BMAL2: variants seen among roughly 807,000 people sequenced by gnomAD.
The protein encoded by BMAL2 is basic helix-loop-helix ARNT like 2, also known as basic helix-loop-helix ARNT-like protein 2.
chr12:27,360,678 A>T, the BMAL2 span, among the ~76,000 whole-genome samples: 1 of 151,984 alleles, frequency 6.6e-6, no homozygotes, highest in Non-Finnish European at 1.5e-5. Context: ...TAGCATCAGT[A>T]ACCTTCTGGT....
At chr12:27,378,950 G>A in the BMAL2 span, among the ~76,000 whole-genome samples, 1 of 152,048 alleles carries the variant, frequency 6.6e-6, no homozygotes, top group South Asian at 2.1e-4. Context: ...CCAATCGTTT[G>A]GTTTCCCTGG....
At chr12:27,405,926 C>T in the BMAL2 span, among the ~76,000 whole-genome samples, 2 of 152,076 alleles carry the variant, frequency 1.3e-5, no homozygotes, top group Non-Finnish European at 2.9e-5. Context: ...AAAACAACGG[C>T]ATGAGAACTA....
the BMAL2 span, chr12:27,421,730 A>G: frequency 6.6e-6 from 1 of 152,222 alleles, no homozygotes; most frequent in South Asian, 2.1e-4. Context: ...CCTAAAGGAA[A>G]AAAGTAGGCC....
the BMAL2 span, among the ~76,000 whole-genome samples, chr12:27,349,884 C>A: frequency 6.6e-6 from 1 of 152,064 alleles, no homozygotes; most frequent in Non-Finnish European, 1.5e-5. Flanking sequence ...TCTTGCTGTG[C>A]CTGCTGCTGC....
chr12:27,334,569 G>C, the BMAL2 span, among the ~76,000 whole-genome samples: 1 of 151,622 alleles, frequency 6.6e-6, no homozygotes, highest in Non-Finnish European at 1.5e-5. Context: ...GAAAGGAAGT[G>C]AAAATGCACC....
the BMAL2 span, among the ~76,000 whole-genome samples, chr12:27,404,140 C>T: frequency 6.8e-6 from 1 of 148,082 alleles, no homozygotes; most frequent in Non-Finnish European, 1.5e-5. Context: ...CAGCTGTGAT[C>T]CTGCCACTTA....
At chr12:27,368,228 A>G in the BMAL2 span, 1 of 1,608,230 alleles carries the variant, frequency 6.2e-7, no homozygotes, top group Admixed American at 1.7e-5. Flanking sequence ...TTAATGTTTA[A>G]AATAAATGTC....
the BMAL2 span, among the ~76,000 whole-genome samples, chr12:27,334,792 A>G: frequency 6.6e-6 from 1 of 152,294 alleles, no homozygotes; most frequent in Non-Finnish European, 1.5e-5. Flanking sequence ...GAGAGCCCGC[A>G]GGTATGAGTA....
the BMAL2 span, among the ~76,000 whole-genome samples, chr12:27,404,581 C>T: frequency 2.0e-5 from 3 of 152,166 alleles, no homozygotes; most frequent in Non-Finnish European, 4.4e-5. Flanking sequence ...ACAGATAAAT[C>T]AGAGTTCAAA....
the BMAL2 span, among the ~76,000 whole-genome samples, chr12:27,376,684 T>TA: frequency 6.6e-6 from 1 of 152,096 alleles, no homozygotes; most frequent in African/African-American, 2.4e-5. Context: ...ATCAGTTACT[T>TA]ATGAGGGGCA....
chr12:27,364,923 T>G, the BMAL2 span, among the ~76,000 whole-genome samples: 1 of 152,218 alleles, frequency 6.6e-6, no homozygotes, highest in Admixed American at 6.5e-5. Context: ...TTAAATATCA[T>G]TGTCTTACTA....
At chr12:27,353,297 G>A in the BMAL2 span, among the ~76,000 whole-genome samples, 1 of 152,106 alleles carries the variant, frequency 6.6e-6, no homozygotes, top group Non-Finnish European at 1.5e-5. Flanking sequence ...TCTGATCTTC[G>A]ACAAAGCTGA....
At chr12:27,338,711 G>A in the BMAL2 span, among the ~76,000 whole-genome samples, 2 of 152,200 alleles carry the variant, frequency 1.3e-5, no homozygotes, top group Non-Finnish European at 2.9e-5. Context: ...ACATAGGTGA[G>A]TTTCCTGCTC....
At chr12:27,347,314 A>G in the BMAL2 span, among the ~76,000 whole-genome samples, 3 of 152,220 alleles carry the variant, frequency 2.0e-5, no homozygotes, top group Non-Finnish European at 4.4e-5. Flanking sequence ...TGCATAAATG[A>G]TCTTATTTCT....
the BMAL2 span, among the ~76,000 whole-genome samples, chr12:27,381,447 G>GGCAGA: frequency 6.6e-6 from 1 of 152,174 alleles, no homozygotes; most frequent in Non-Finnish European, 1.5e-5. Context: ...AGAAGGCAAA[G>GGCAGA]TGGGAGCCGG....
chr12:27,376,586 T>A, the BMAL2 span, among the ~76,000 whole-genome samples: 1 of 152,230 alleles, frequency 6.6e-6, no homozygotes, highest in Non-Finnish European at 1.5e-5. Flanking sequence ...TTGGCTTTCA[T>A]GCCTTTAACT....
the BMAL2 span, among the ~76,000 whole-genome samples, chr12:27,369,054 T>A: frequency 6.6e-6 from 1 of 152,304 alleles, no homozygotes; most frequent in Non-Finnish European, 1.5e-5. Context: ...GTAGGTTCGT[T>A]TGAGCCCAGA....
chr12:27,399,493 C>T, the BMAL2 span, among the ~76,000 whole-genome samples: 2 of 152,170 alleles, frequency 1.3e-5, no homozygotes, highest in Non-Finnish European at 2.9e-5. Context: ...TAGAACATCC[C>T]ATAGAGCTGT....
the BMAL2 span, among the ~76,000 whole-genome samples, chr12:27,411,586 C>T: frequency 6.6e-6 from 1 of 152,258 alleles, no homozygotes; most frequent in African/African-American, 2.4e-5. Flanking sequence ...CATTTTCCTA[C>T]TGATTAGTGA....
Sources: gnomAD v4.1 joint callset for allele counts (sites outside exome capture counted in the v4.1 genomes callset) on GRCh38, gnomAD v4.1.1 for gene constraint, MANE v1.5 for transcripts, NCBI Gene and HGNC (gene_info 2026-07-23, HGNC 2026-07-21) for gene names.